The following CRMP1 variants were observed in gnomAD, a reference collection of about 807,000 sequenced individuals.
The protein encoded by CRMP1 is dihydropyrimidinase-related protein 1.
CRMP1 carries 19 observed loss-of-function variants against 68.3 expected under a neutral mutation model. That is an observed-to-expected ratio of 0.28 (90% confidence interval 0.19 to 0.41). The LOEUF (loss-of-function observed/expected upper bound fraction) is 0.41. Among genes scored for constraint, CRMP1 ranks in the 10% least tolerant of loss-of-function variants. CRMP1 has a pLI of 1.00. For synonymous variants in CRMP1, 439 were observed against 399.6 expected (o/e 1.10, Z -1.18); for missense variants, 791 against 967.4 (o/e 0.82, Z 2.42).
At chr4:5,830,764 T>C (rs1720315810) in intron 11 of CRMP1, among the ~76,000 whole-genome samples, 1 of 152,290 alleles carries the variant, frequency 6.6e-6, no homozygotes, top group Middle Eastern at 3.4e-3. Context: ...AGTCTTCCCT[T>C]TTTTCAGAAC....
chr4:5,846,569 G>A (rs1330491719), intron 6 of CRMP1, among the ~76,000 whole-genome samples: 5 of 151,178 alleles, frequency 3.3e-5, no homozygotes, highest in Admixed American at 3.3e-4. Context: ...GGCATGTGAT[G>A]TGAAAAGAAG....
chr4:5,841,289 C>T lies in CRMP1; in HGVS notation c.1153+19G>A. ...CCAGGCCCCAGCTGCCCCCAGAAGG[C>T]CCAGGGCCGGCTGCATACCTTTCTT... On this transcript the variant is annotated intron_variant, in intron 8 of 13. Coordinates refer to ENST00000324989, the MANE Select transcript of CRMP1 (RefSeq NM_001014809.3). This position sits in a 1 kb window ranked among gnomAD's most constrained non-coding sequence, Gnocchi z 6.9. 1 of 1,613,810 alleles carries T rather than the reference C, an allele frequency of 6.2e-7. No individual in the cohort carries two copies. The highest frequency in any genetic ancestry group is 1.3e-5 in the African/African-American group (1 of 75,018).
rs555525312 is a variant in CRMP1 at position 5,866,926 on chromosome 4, T to C, written c.382-170A>G. Among the ~76,000 whole-genome samples, 8 of 152,350 alleles carry C rather than the reference T, an allele frequency of 5.3e-5. No homozygotes were observed. Among genetic ancestry groups the C allele is most frequent in the African/African-American group, 1.9e-4 (8 of 41,596 alleles). ...CAATACTTCTCTATCCAATACTTCC[T>C]ATTCTCCTTTCACCTTTCTCCCCTC... is the stretch of plus-strand genomic sequence containing the variant. On this transcript the variant is annotated intron_variant, in intron 1 of 13. Transcript: ENST00000324989. The surrounding 1 kb of genome is among the most constrained non-coding windows in gnomAD (Gnocchi z 5.9).
In CRMP1 at chr4:5,854,228, G is replaced by A. The variant is rs148913303; in HGVS notation, c.820+1915C>T. 6.6e-6 allele frequency among the ~76,000 whole-genome samples: 1 copy of A among 152,138 alleles called. No individual in the cohort carries two copies. Among genetic ancestry groups the A allele is most frequent in the East Asian group, 1.9e-4 (1 of 5,166 alleles). On this transcript the variant is annotated intron_variant, in intron 4 of 13. Transcript: ENST00000324989. The surrounding 1 kb of genome is among the most constrained non-coding windows in gnomAD (Gnocchi z 4.0). Reference sequence around the variant, plus strand: ...CTGTTATGTAGTTGCAGTGAATCACGCAGCAACTGCAATACAAGGATAATG... The same window carrying A: ...CTGTTATGTAGTTGCAGTGAATCACACAGCAACTGCAATACAAGGATAATG...
chr4:5,887,540 C>T, intron 1 of CRMP1: 1 of 985,158 alleles, frequency 1.0e-6, no homozygotes. Flanking sequence ...TTGTTTCCGG[C>T]CACACCCAGG....
rs1332898437 is a variant in CRMP1 at position 5,834,964 on chromosome 4, G to C, written c.1623+951C>G. Among the ~76,000 whole-genome samples, 1 of 152,208 alleles carries C rather than the reference G, an allele frequency of 6.6e-6. No homozygotes were observed. The highest frequency in any genetic ancestry group is 2.4e-5 in the African/African-American group (1 of 41,466). ...AGCCAATGGATACTCCAGGGCCATG[G>C]CCGTGAGCTGCTACAAGTGTTTCCT... On this transcript the variant is annotated intron_variant, in intron 11 of 13. Coordinates refer to ENST00000324989, the MANE Select transcript of CRMP1 (RefSeq NM_001014809.3). The surrounding 1 kb of genome is among the most constrained non-coding windows in gnomAD (Gnocchi z 4.3).
chr4:5,845,239 G>C (rs1056588121), intron 6 of CRMP1, among the ~76,000 whole-genome samples: 9 of 152,176 alleles, frequency 5.9e-5, no homozygotes, highest in African/African-American at 1.9e-4. Flanking sequence ...CCTGGAGTGT[G>C]GGCTGGACCC....
rs1265766529 is a variant in CRMP1 at position 5,889,725 on chromosome 4, C to G, written c.381+2864G>C. The G allele has an allele frequency of 6.5e-7, 1 of 1,535,602 alleles. No individual in the cohort carries two copies. The highest frequency in any genetic ancestry group is 1.4e-5 in the African/African-American group (1 of 73,032). On this transcript the variant is annotated intron_variant, in intron 1 of 13. Transcript: ENST00000324989. This position sits in a 1 kb window ranked among gnomAD's most constrained non-coding sequence, Gnocchi z 4.5. Reference sequence around the variant, plus strand: ...TCTGCTTTCAAGTTGCCATCCAGAGCGAGGGTGGCCTAGGCTTGGTACAGC... The same window carrying G: ...TCTGCTTTCAAGTTGCCATCCAGAGGGAGGGTGGCCTAGGCTTGGTACAGC...
At chr4:5,823,255 G>T (rs1475900746) in intron 13 of CRMP1, among the ~76,000 whole-genome samples, 2 of 152,148 alleles carry the variant, frequency 1.3e-5, no homozygotes, top group East Asian at 3.9e-4. Flanking sequence ...GTCTATGTAA[G>T]CCACTAAGAA....
chr4:5,826,535 T>G (rs1256493154), intron 12 of CRMP1: 1 of 151,776 alleles, frequency 6.6e-6, no homozygotes, highest in Non-Finnish European at 1.5e-5. Flanking sequence ...GGGAAAGGGT[T>G]GTGGGGGCAG....
At position 5,888,379 on chromosome 4, in the gene CRMP1, G is replaced by A. The variant is rs1045337908; in HGVS notation, c.381+4210C>T. The A allele has an allele frequency of 2.5e-5, 31 of 1,225,804 alleles. No homozygotes were observed. The highest frequency in any genetic ancestry group is 3.1e-5 in the Non-Finnish European group (30 of 982,344). The allele number at this position is 1,225,804 out of a possible 1,614,324, so 75.9% of individuals were successfully genotyped here. On this transcript the variant is annotated intron_variant, in intron 1 of 13. Transcript: ENST00000324989. This position sits in a 1 kb window ranked among gnomAD's most constrained non-coding sequence, Gnocchi z 6.4. ...CGCTGACAAAGGCCCGGGAGGGATA[G>A]AGACACGGACGGAGGCTCGGCGCCC... is the stretch of plus-strand genomic sequence containing the variant.
At chr4:5,828,104 G>GT in intron 12 of CRMP1, 2 of 985,432 alleles carry the variant, frequency 2.0e-6, no homozygotes, top group Non-Finnish European at 2.4e-6. Flanking sequence ...TTTCTGAGCC[G>GT]TGACTCTGGC....
rs1163626232 is a variant in CRMP1, at chr4:5,889,032, C to T, written c.381+3557G>A. 6.6e-6 allele frequency among the ~76,000 whole-genome samples: 1 copy of T among 152,022 alleles called. No individual in the cohort carries two copies. Among genetic ancestry groups the T allele is most frequent in the Non-Finnish European group, 1.5e-5 (1 of 67,998 alleles). On this transcript the variant is annotated intron_variant, in intron 1 of 13. Coordinates refer to ENST00000324989, the MANE Select transcript of CRMP1 (RefSeq NM_001014809.3). This position sits in a 1 kb window ranked among gnomAD's most constrained non-coding sequence, Gnocchi z 4.5. ...CCCCAAGCCTTTATTCACGCTGTACCCTCTCCCTGAATAGTCTACCCCAGA... is the reference window on the plus strand; with the variant it reads ...CCCCAAGCCTTTATTCACGCTGTACTCTCTCCCTGAATAGTCTACCCCAGA...
chr4:5,889,510 T>C lies in CRMP1; in HGVS notation c.381+3079A>G. ...GAAGCCAGGTCACAGCTTGACAAGG[T>C]CCGTAACAGCAGAGGGGAAAAGATG... On this transcript the variant is annotated intron_variant, in intron 1 of 13. Coordinates refer to ENST00000324989, the MANE Select transcript of CRMP1 (RefSeq NM_001014809.3). This position sits in a 1 kb window ranked among gnomAD's most constrained non-coding sequence, Gnocchi z 4.5. 2.0e-6 allele frequency: 3 copies of C among 1,493,502 alleles called. No homozygotes were observed. Among genetic ancestry groups the C allele is most frequent in the Middle Eastern group, 1.7e-4 (1 of 5,872 alleles). 92.5% of individuals were successfully genotyped at this position (1,493,502 alleles called of 1,614,324 possible).
chr4:5,856,781 A>G (rs936704979), intron 3 of CRMP1, among the ~76,000 whole-genome samples: 4 of 150,996 alleles, frequency 2.6e-5, no homozygotes, highest in Non-Finnish European at 5.9e-5. Context: ...CATCATTACC[A>G]TCAGCACCAT....
Position 5,889,776 on chromosome 4 carries a change from G to A in CRMP1, c.381+2813C>T, listed in dbSNP as rs1349316523. On this transcript the variant is annotated intron_variant, in intron 1 of 13. Coordinates refer to ENST00000324989, the MANE Select transcript of CRMP1 (RefSeq NM_001014809.3). The surrounding 1 kb of genome is among the most constrained non-coding windows in gnomAD (Gnocchi z 4.5). ...TCCCCCAGCACTGTGGTTGGGGGCTGGGGCCCTGACCTTCACCACCCCAGG... is the reference window on the plus strand; with the variant it reads ...TCCCCCAGCACTGTGGTTGGGGGCTAGGGCCCTGACCTTCACCACCCCAGG... The A allele has an allele frequency of 2.6e-6, 4 of 1,531,262 alleles. No homozygotes were observed. The highest frequency in any genetic ancestry group is 1.2e-5 in the South Asian group (1 of 83,586). The allele number at this position is 1,531,262 out of a possible 1,614,324, so 94.9% of individuals were successfully genotyped here. A position where few individuals can be genotyped will look rare whatever the true frequency, so the allele number is the denominator to read the frequency against.
At chr4:5,823,660 C>T (rs1719053138) in intron 13 of CRMP1, among the ~76,000 whole-genome samples, 1 of 152,178 alleles carries the variant, frequency 6.6e-6, no homozygotes, top group African/African-American at 2.4e-5. Context: ...TGCCTTCTTC[C>T]TCTGTTGCCA....
chr4:5,869,242 C>A (rs190202152), intron 1 of CRMP1, among the ~76,000 whole-genome samples: 1 of 152,210 alleles, frequency 6.6e-6, no homozygotes, highest in Admixed American at 6.5e-5. Context: ...TGTGAGCCAC[C>A]GTGCCTTGGC....
Position 5,858,016 on chromosome 4 carries a change from G to A in CRMP1, c.656-1709C>T, listed in dbSNP as rs1265831841. ...CCACTCACACCTCCATCCACTTAAAGCATCAGGCTTTGCTAATATGACCCT... is the reference window on the plus strand; with the variant it reads ...CCACTCACACCTCCATCCACTTAAAACATCAGGCTTTGCTAATATGACCCT... On this transcript the variant is annotated intron_variant, in intron 3 of 13. Coordinates refer to ENST00000324989, the MANE Select transcript of CRMP1 (RefSeq NM_001014809.3). The surrounding 1 kb of genome is among the most constrained non-coding windows in gnomAD (Gnocchi z 5.5). Among the ~76,000 whole-genome samples the A allele has an allele frequency of 6.6e-6, 1 of 152,070 alleles. No homozygotes were observed.
Sources: allele counts gnomAD v4.1 joint callset (sites outside exome capture counted in the v4.1 genomes callset), GRCh38; gene constraint gnomAD v4.1.1; non-coding constraint Gnocchi (gnomAD v3.1); transcripts MANE v1.5; gene names NCBI Gene and HGNC (gene_info 2026-07-23, HGNC 2026-07-21).